The following ZNF540 variants were observed in gnomAD, a reference collection of about 807,000 sequenced individuals.
ZNF540 encodes zinc finger protein 540, also known as CTD-3064H18.6.
In ZNF540, 3 loss-of-function variants were observed where a neutral mutation model predicts 11.8. The ratio of observed to expected loss-of-function variants is 0.25; its 90% confidence interval spans 0.12 to 0.65. ZNF540 has a LOEUF of 0.65. Ranked by LOEUF, ZNF540 falls within the 30% of genes least tolerant of loss-of-function variation. The probability of loss-of-function intolerance (pLI) is 0.83; values close to 1 mark genes in which losing one functional copy is unlikely to be tolerated. For missense variants in ZNF540, 709 were observed against 793.1 expected (o/e 0.89, Z 1.27); for synonymous variants, 247 against 259.0 (o/e 0.95, Z 0.45).
Position 37,553,113 on chromosome 19 carries a change from C to CTTTTTTT in ZNF540, c.-73+1480_-73+1486dup, listed in dbSNP as rs746114598. The stretch of plus-strand genomic sequence containing the variant: ...AATCTTTTTTTATATAACCTAACAT[C>CTTTTTTT]TTTTTTTTTTTTTTTTTTTTTTTTT... On this transcript the variant is annotated intron_variant, in intron 1 of 4. Coordinates refer to the ZNF540 transcript ENST00000592533. Among the ~76,000 whole-genome samples the CTTTTTTT allele has an allele frequency of 2.1e-4, 7 of 33,130 alleles. 2 individuals are homozygous for CTTTTTTT. The highest frequency in any genetic ancestry group is 2.2e-4 in the Non-Finnish European group (4 of 18,174). 21.7% of individuals were successfully genotyped at this position (33,130 alleles called of 152,430 possible). A position where few individuals can be genotyped will look rare whatever the true frequency, so the allele number is the denominator to read the frequency against.
Position 37,613,295 on chromosome 19 carries a change from T to G in ZNF540, c.*32T>G. 1 of 1,382,718 alleles carries G rather than the reference T, an allele frequency of 7.2e-7. No individual in the cohort carries two copies. Among genetic ancestry groups the G allele is most frequent in the Non-Finnish European group, 9.5e-7 (1 of 1,048,576 alleles). 85.7% of individuals were successfully genotyped at this position (1,382,718 alleles called of 1,614,324 possible). On this transcript the variant is annotated 3_prime_UTR_variant, in exon 5 of 5. Coordinates refer to ENST00000316433, the MANE Select transcript of ZNF540 (RefSeq NM_001172225.3). ...AAAAGGTTTCCATGTCATGCTCTAT[T>G]TATAGAATATCAAAATATTTATGGC...
chr19:37,607,093 A>C (rs1480538361), intron 4 of ZNF540, among the ~76,000 whole-genome samples: 2 of 152,056 alleles, frequency 1.3e-5, no homozygotes, highest in Non-Finnish European at 2.9e-5. Flanking sequence ...ATTAGTTTAG[A>C]TACTAGATAT....
At chr19:37,593,207 G>T (rs536048990), upstream of ZNF540, among the ~76,000 whole-genome samples, 2 of 151,738 alleles carry the variant, frequency 1.3e-5, no homozygotes, top group Non-Finnish European at 2.9e-5. Context: ...CTTATAAGAG[G>T]ATAAAATACA....
chr19:37,606,052 T>C (rs960800398), intron 4 of ZNF540, among the ~76,000 whole-genome samples: 6 of 152,182 alleles, frequency 3.9e-5, no homozygotes, highest in African/African-American at 1.4e-4. Context: ...CCCCCAAAAC[T>C]TCCCTTGTGC....
rs558863426 is a variant in ZNF540 at position 37,611,166 on chromosome 19, C to T, written c.233-347C>T. On this transcript the variant is annotated intron_variant, in intron 4 of 4. Transcript: ENST00000316433. The stretch of plus-strand genomic sequence containing the variant: ...ACTCCTGAGTAGCTAGGATTACAGG[C>T]GCCTGCCATGATGCTCGGCCAATTT... 2.8e-4 allele frequency: 44 copies of T among 159,482 alleles called. No individual in the cohort carries two copies. In the South Asian group the frequency reaches 4.1e-3, roughly 15 times the overall value. 9.9% of individuals were successfully genotyped at this position (159,482 alleles called of 1,614,324 possible). A position where few individuals can be genotyped will look rare whatever the true frequency, so the allele number is the denominator to read the frequency against.
In ZNF540 at chr19:37,612,366, G is replaced by T. The variant is rs2044138294; in HGVS notation, c.1086G>T (p.Lys362Asn). 1.9e-6 allele frequency: 3 copies of T among 1,613,970 alleles called. No homozygotes were observed. In the East Asian group the frequency reaches 6.7e-5, roughly 36 times the overall value. Residue 362 changes from lysine (K) to asparagine (N), a missense_variant, in exon 5 of 5, where the codon AAG becomes AAT. Physicochemically the swap from Lys to Asn is moderately conservative, Grantham distance 94. Coordinates refer to ENST00000316433, the MANE Select transcript of ZNF540 (RefSeq NM_001172225.3). ...CCTACGAATGTAAGGAATGTGGAAA[G>T]ACCTTTAGACTTAGTTTTTACCTTA... ...VKPYECKECG[K>N]TFRLSFYLTE...
intron 4 of ZNF540, among the ~76,000 whole-genome samples, chr19:37,607,898 G>A (rs2044097025): frequency 6.6e-6 from 1 of 152,170 alleles, no homozygotes; most frequent in Non-Finnish European, 1.5e-5. Flanking sequence ...GTTCTCCAAA[G>A]TGGCTATAAT....
At chr19:37,603,963 C>G (rs2147229385) in intron 4 of ZNF540, among the ~76,000 whole-genome samples, 1 of 152,114 alleles carries the variant, frequency 6.6e-6, no homozygotes, top group African/African-American at 2.4e-5. Context: ...GTTTTTCATT[C>G]TTTCTTAAAA....
At chr19:37,564,863 C>T in intron 1 of ZNF540, 1 of 1,614,068 alleles carries the variant, frequency 6.2e-7, no homozygotes, top group Non-Finnish European at 8.5e-7. Context: ...TCTGTGAATT[C>T]TCTGATGTTC....
chr19:37,605,888 CAGAAATTTT>C (rs1281644877), intron 4 of ZNF540, among the ~76,000 whole-genome samples: 3 of 152,100 alleles, frequency 2.0e-5, no homozygotes, highest in Non-Finnish European at 4.4e-5. Flanking sequence ...AGTGTCTGTT[CAGAAATTTT>C]ATCCATCAAA....
At chr19:37,566,609 T>C (rs900353030) in intron 1 of ZNF540, 1 of 212,494 alleles carries the variant, frequency 4.7e-6, no homozygotes, top group African/African-American at 2.3e-5. Flanking sequence ...TAGCTGGACA[T>C]ACAATCTATC....
intron 1 of ZNF540, among the ~76,000 whole-genome samples, chr19:37,561,243 GAC>G (rs761575778): frequency 4.0e-5 from 6 of 151,802 alleles, no homozygotes; most frequent in Non-Finnish European, 7.4e-5. Context: ...AACAAAAAAA[GAC>G]AAAACCCTTA....
At chr19:37,579,756 C>T (rs1221192321) in intron 1 of ZNF540, among the ~76,000 whole-genome samples, 1 of 152,166 alleles carries the variant, frequency 6.6e-6, no homozygotes, top group Non-Finnish European at 1.5e-5. Flanking sequence ...TGCAGCTGTG[C>T]TTTTATTACT....
intron 3 of ZNF540, among the ~76,000 whole-genome samples, chr19:37,600,464 A>G (rs2044030172): frequency 6.6e-6 from 1 of 152,220 alleles, no homozygotes; most frequent in South Asian, 2.1e-4. Flanking sequence ...TATTTTAGGA[A>G]GCTTCTTGTT....
At chr19:37,599,409 G>C (rs2044021920) in intron 2 of ZNF540, among the ~76,000 whole-genome samples, 1 of 152,112 alleles carries the variant, frequency 6.6e-6, no homozygotes, top group Admixed American at 6.5e-5. Context: ...TAATATACAG[G>C]AAATTTTGCA....
intron 1 of ZNF540, among the ~76,000 whole-genome samples, chr19:37,583,141 C>T (rs188483073): frequency 1.5e-4 from 23 of 152,300 alleles, no homozygotes; most frequent in Non-Finnish European, 1.6e-4. Context: ...CCTGAACACA[C>T]CTTTCCCTGA....
chr19:37,565,185 C>T (rs45542635), intron 1 of ZNF540: 22,758 of 1,613,354 alleles, frequency 0.014, 217 homozygotes, highest in Middle Eastern at 0.028. Context: ...GGCTTCTCTC[C>T]GGTATGAATT....
intron 1 of ZNF540, chr19:37,551,812 AGTGTTGCATGTCT>A: frequency 1.7e-5 from 2 of 120,712 alleles, no homozygotes; most frequent in South Asian, 3.4e-4. Context: ...TTTCTGTGCA[AGTGTTGCATGTCT>A]GTGTGTGTGG....
intron 4 of ZNF540, among the ~76,000 whole-genome samples, chr19:37,608,095 AT>A (rs1388857419): frequency 6.6e-6 from 1 of 152,056 alleles, no homozygotes; most frequent in Non-Finnish European, 1.5e-5. Context: ...ATTTGGAGAA[AT>A]TCTCATTCAT....
Sources: gnomAD v4.1 joint callset for allele counts (sites outside exome capture counted in the v4.1 genomes callset) on GRCh38, gnomAD v4.1.1 for gene constraint, MANE v1.5 for transcripts, NCBI Gene and HGNC (gene_info 2026-07-23, HGNC 2026-07-21) for gene names.